Variants in BICC1 observed in about 807,000 individuals in gnomAD.
BICC1 encodes protein bicaudal C homolog 1.
A neutral mutation model predicts 111.0 loss-of-function variants in BICC1; 43 were observed. The observed-to-expected ratio is 0.39, with a 90% CI of 0.30 to 0.50. The LOEUF is 0.50. Among genes scored for constraint, BICC1 ranks in the 20% least tolerant of loss-of-function variants. The pLI, the probability that BICC1 is intolerant of heterozygous loss-of-function variation, is 0.88. For missense variants in BICC1, 1,091 were observed against 1,203.2 expected (o/e 0.91, Z 1.38); for synonymous variants, 467 against 434.4 (o/e 1.07, Z -0.93).
rs566687304 is a variant in BICC1, at chr10:58,609,206, A to AT, written c.191-11647dup. On this transcript the variant is annotated intron_variant, in intron 1 of 20. Transcript: ENST00000373886. ...AATGATTATTAATGTTACATATTTT[A>AT]TTCAAACTGCTCTAATTCTTTTAAC... Among the ~76,000 whole-genome samples, 980 of 152,332 alleles carry AT rather than the reference A, an allele frequency of 6.4e-3. 22 individuals carry two copies. Among genetic ancestry groups the AT allele is most frequent in the Non-Finnish European group, 5.6e-3 (384 of 68,032 alleles).
intron 3 of BICC1, 67 bp downstream of exon 3, chr10:58,702,210 G>T: frequency 7.6e-7 from 1 of 1,313,830 alleles, no homozygotes; most frequent in East Asian, 2.4e-5. Context: ...CTGCAGGTTT[G>T]CTGGGGAGAA....
intron 1 of BICC1, among the ~76,000 whole-genome samples, chr10:58,613,589 G>A (rs1027535637): frequency 6.6e-6 from 1 of 152,072 alleles, no homozygotes; most frequent in African/African-American, 2.4e-5. Flanking sequence ...CTCTCTAATG[G>A]TCTCCATATA....
chr10:58,671,007 T>A (rs1839167986), intron 2 of BICC1, among the ~76,000 whole-genome samples: 1 of 152,144 alleles, frequency 6.6e-6, no homozygotes. Context: ...TGGCTCTACG[T>A]GGTTTGCCTT....
intron 18 of BICC1, among the ~76,000 whole-genome samples, chr10:58,814,710 C>G (rs1014780780): frequency 6.7e-6 from 1 of 150,268 alleles, no homozygotes; most frequent in African/African-American, 2.5e-5. Context: ...GTGGGAGGAT[C>G]GCTTGAGCCC....
chr10:58,645,301 C>T (rs1258166343), intron 2 of BICC1, among the ~76,000 whole-genome samples: 1 of 147,372 alleles, frequency 6.8e-6, no homozygotes, highest in Non-Finnish European at 1.5e-5. Context: ...CCCAGCTACT[C>T]GGGAGGCTGA....
At chr10:58,577,428 A>G (rs1373883614) in intron 1 of BICC1, among the ~76,000 whole-genome samples, 4 of 152,208 alleles carry the variant, frequency 2.6e-5, no homozygotes, top group Non-Finnish European at 1.5e-5. Context: ...AGGAGCAGTA[A>G]TATGCCTGGT....
At chr10:58,555,412 G>A (rs889188489) in intron 1 of BICC1, among the ~76,000 whole-genome samples, 1 of 148,718 alleles carries the variant, frequency 6.7e-6, no homozygotes, top group African/African-American at 2.5e-5. Flanking sequence ...CCTGTTGGAA[G>A]TAGAGTAATT....
At chr10:58,802,669 G>A (rs903198547) in intron 14 of BICC1, among the ~76,000 whole-genome samples, 1 of 152,172 alleles carries the variant, frequency 6.6e-6, no homozygotes, top group Non-Finnish European at 1.5e-5. Context: ...TTTGGACTTT[G>A]CATGGATGAA....
chr10:58,802,235 G>A (rs908297882), intron 14 of BICC1, among the ~76,000 whole-genome samples: 1 of 152,118 alleles, frequency 6.6e-6, no homozygotes, highest in Non-Finnish European at 1.5e-5. Flanking sequence ...AAGTTCCCAG[G>A]TCAAATGTCC....
At chr10:58,689,031 C>T (rs890101568) in intron 2 of BICC1, among the ~76,000 whole-genome samples, 1 of 151,936 alleles carries the variant, frequency 6.6e-6, no homozygotes, top group East Asian at 1.9e-4. Flanking sequence ...AGTATAATAA[C>T]AACAACAACA....
In BICC1 at chr10:58,796,446, C is replaced by A; in HGVS notation, c.1286C>A (p.Ser429Tyr). ...SSGVTIATSP[S>Y]PASCPAGLAC... ...GGGGTTACCATAGCAACCAGTCCATCCCCAGCATCCTGCCCTGCCGGCCTG... is the reference window on the plus strand; with the variant it reads ...GGGGTTACCATAGCAACCAGTCCATACCCAGCATCCTGCCCTGCCGGCCTG... The change falls in exon 10 of 21, where the codon TCC becomes TAC. Residue 429 changes from serine to tyrosine, a missense_variant. Coordinates refer to ENST00000373886, the MANE Select transcript of BICC1 (RefSeq NM_001080512.3). The A allele has an allele frequency of 6.2e-7, 1 of 1,614,130 alleles. No individual in the cohort carries two copies. Among genetic ancestry groups the A allele is most frequent in the South Asian group, 1.1e-5 (1 of 91,084 alleles).
chr10:58,828,621 A>G, intron 20 of BICC1, 140 bp from the exon 21 acceptor site: 1 of 781,930 alleles, frequency 1.3e-6, no homozygotes, highest in Non-Finnish European at 2.0e-6. Context: ...ACCATCAACT[A>G]AAAGTTTTCC....
chr10:58,660,680 T>C (rs1229335378), intron 2 of BICC1, among the ~76,000 whole-genome samples: 1 of 152,076 alleles, frequency 6.6e-6, no homozygotes, highest in Non-Finnish European at 1.5e-5. Context: ...TTCTGACATC[T>C]TTGTACCCTC....
intron 2 of BICC1, among the ~76,000 whole-genome samples, chr10:58,631,810 T>A (rs994330600): frequency 6.6e-6 from 1 of 152,184 alleles, no homozygotes; most frequent in Admixed American, 6.5e-5. Flanking sequence ...TATTCTGGAG[T>A]TACCAGGAAA....
chr10:58,801,358 T>C (rs1843541621), intron 14 of BICC1, among the ~76,000 whole-genome samples: 1 of 152,196 alleles, frequency 6.6e-6, no homozygotes. Context: ...TATTCTCTGA[T>C]TTTTGCTGTT....
chr10:58,602,088 T>C (rs1054674565), intron 1 of BICC1, among the ~76,000 whole-genome samples: 1 of 152,132 alleles, frequency 6.6e-6, no homozygotes, highest in Non-Finnish European at 1.5e-5. Context: ...CCTGAAACAT[T>C]TAAGTTTCTT....
chr10:58,535,431 T>G (rs1842800635), intron 1 of BICC1, among the ~76,000 whole-genome samples: 1 of 151,786 alleles, frequency 6.6e-6, no homozygotes, highest in African/African-American at 2.4e-5. Flanking sequence ...TTTTTTAGTC[T>G]TCTTAAACAG....
At chr10:58,737,717 G>C (rs1045315797) in intron 3 of BICC1, among the ~76,000 whole-genome samples, 1 of 150,798 alleles carries the variant, frequency 6.6e-6, no homozygotes, top group East Asian at 2.0e-4. Context: ...TACCACCAAT[G>C]GTGCTATTTC....
At chr10:58,812,905 T>A (rs1168455287) in intron 17 of BICC1, among the ~76,000 whole-genome samples, 1 of 152,134 alleles carries the variant, frequency 6.6e-6, no homozygotes, top group Admixed American at 6.6e-5. Flanking sequence ...GAAGAGATCC[T>A]AGGACCAGGT....
Sources: gnomAD v4.1 joint callset for allele counts (sites outside exome capture counted in the v4.1 genomes callset) on GRCh38, gnomAD v4.1.1 for gene constraint, MANE v1.5 for transcripts, NCBI Gene and HGNC (gene_info 2026-07-23, HGNC 2026-07-21) for gene names.